The following RASAL2 variants were observed in gnomAD, a reference collection of about 807,000 sequenced individuals.
RASAL2 encodes the protein RAS protein activator like 2, also known as ras GTPase-activating protein nGAP.
Under a neutral mutation model 128.9 loss-of-function variants are expected in RASAL2, and 58 were observed. The observed-to-expected ratio is 0.45, with a 90% CI of 0.36 to 0.56. The LOEUF is 0.56. Ranked by LOEUF, RASAL2 falls within the 20% of genes least tolerant of loss-of-function variation. The pLI, the probability that RASAL2 is intolerant of heterozygous loss-of-function variation, is 0.00. For missense variants in RASAL2, 1,360 were observed against 1,601.6 expected (o/e 0.85, Z 2.57); for synonymous variants, 561 against 580.8 (o/e 0.97, Z 0.49).
intron 1 of RASAL2, among the ~76,000 whole-genome samples, chr1:178,187,609 GAAA>G: frequency 6.6e-6 from 1 of 152,110 alleles, no homozygotes; most frequent in African/African-American, 2.4e-5. Context: ...ACCACAACCG[GAAA>G]AACTGTTACT....
intron 3 of RASAL2, among the ~76,000 whole-genome samples, chr1:178,358,229 C>CT (rs1670911695): frequency 9.6e-6 from 1 of 104,350 alleles, no homozygotes; most frequent in Non-Finnish European, 1.7e-5. Context: ...GAGTGAGACT[C>CT]TGTCTCCTAA....
chr1:178,446,037 G>A (rs1676975995), intron 9 of RASAL2, among the ~76,000 whole-genome samples: 1 of 152,124 alleles, frequency 6.6e-6, no homozygotes, highest in African/African-American at 2.4e-5. Flanking sequence ...TTGTTATCAT[G>A]CATGCAAAAC....
chr1:178,325,192 C>T (rs1407323530), intron 3 of RASAL2, among the ~76,000 whole-genome samples: 9 of 152,134 alleles, frequency 5.9e-5, no homozygotes, highest in African/African-American at 2.2e-4. Context: ...TTGACGTGTT[C>T]TTTCTAACTC....
At chr1:178,170,977 C>T (rs1227205991) in intron 1 of RASAL2, among the ~76,000 whole-genome samples, 1 of 151,824 alleles carries the variant, frequency 6.6e-6, no homozygotes, top group Non-Finnish European at 1.5e-5. Context: ...GAATTCATTT[C>T]ATTTAAATTT....
intron 3 of RASAL2, among the ~76,000 whole-genome samples, chr1:178,334,942 T>TGA (rs1365750685): frequency 3.3e-5 from 5 of 151,960 alleles, no homozygotes; most frequent in Non-Finnish European, 5.9e-5. Context: ...GGTGACAGAG[T>TGA]GAGACTCTGT....
chr1:178,254,966 ATC>A (rs1177021627), intron 1 of RASAL2, among the ~76,000 whole-genome samples: 1 of 152,080 alleles, frequency 6.6e-6, no homozygotes, highest in East Asian at 1.9e-4. Flanking sequence ...TGAGATTAAC[ATC>A]TTCTCTGTGG....
At chr1:178,341,335 A>G in intron 3 of RASAL2, 1 of 934,520 alleles carries the variant, frequency 1.1e-6, no homozygotes, top group South Asian at 3.2e-5. Context: ...AAGAAAGCCC[A>G]GTGAGTGAGT....
At chr1:178,102,091 G>A (rs1558053835) in intron 1 of RASAL2, among the ~76,000 whole-genome samples, 1 of 151,806 alleles carries the variant, frequency 6.6e-6, no homozygotes, top group Non-Finnish European at 1.5e-5. Flanking sequence ...TGGAAGTGAT[G>A]TCTGAAGGAA....
At chr1:178,143,987 T>C (rs1444341763) in intron 1 of RASAL2, among the ~76,000 whole-genome samples, 1 of 152,176 alleles carries the variant, frequency 6.6e-6, no homozygotes, top group Non-Finnish European at 1.5e-5. Flanking sequence ...TTACCTACTA[T>C]CAGGAATAAT....
At chr1:178,437,793 G>C (rs1676351033) in intron 5 of RASAL2, among the ~76,000 whole-genome samples, 1 of 151,968 alleles carries the variant, frequency 6.6e-6, no homozygotes, top group African/African-American at 2.4e-5. Flanking sequence ...ATTTATAGTT[G>C]ATGTACTATA....
intron 3 of RASAL2, among the ~76,000 whole-genome samples, chr1:178,320,379 A>C (rs1212705595): frequency 4.6e-5 from 7 of 151,514 alleles, no homozygotes; most frequent in Admixed American, 1.3e-4. Context: ...AATGGTGGGC[A>C]CCCTCCCCCA....
chr1:178,459,162 C>T (rs946447527), intron 14 of RASAL2, among the ~76,000 whole-genome samples: 8 of 152,164 alleles, frequency 5.3e-5, no homozygotes, highest in Non-Finnish European at 1.2e-4. Flanking sequence ...TTTCTATTTA[C>T]ATGGACAAGC....
intron 1 of RASAL2, among the ~76,000 whole-genome samples, chr1:178,152,554 A>G (rs1275624626): frequency 1.3e-5 from 2 of 151,974 alleles, no homozygotes; most frequent in African/African-American, 4.8e-5. Context: ...AGTCCCAGCT[A>G]CTCGGGAGGC....
chr1:178,255,338 A>T (rs867929905), intron 1 of RASAL2, among the ~76,000 whole-genome samples: 4 of 152,120 alleles, frequency 2.6e-5, no homozygotes, highest in Admixed American at 6.6e-5. Context: ...TTCTTTTTCT[A>T]ATTGAAAAAG....
chr1:178,438,699 A>T (rs908365640), intron 5 of RASAL2, among the ~76,000 whole-genome samples: 2 of 151,972 alleles, frequency 1.3e-5, no homozygotes, highest in African/African-American at 2.4e-5. Flanking sequence ...TCTCTTCTAG[A>T]TGAGAGTTTG....
chr1:178,222,714 T>G (rs1663655743), intron 1 of RASAL2, among the ~76,000 whole-genome samples: 1 of 152,174 alleles, frequency 6.6e-6, no homozygotes, highest in Non-Finnish European at 1.5e-5. Flanking sequence ...TGTGGATATC[T>G]CTTTATGCTT....
At chr1:178,173,760 GT>G (rs1190825545) in intron 1 of RASAL2, among the ~76,000 whole-genome samples, 1 of 151,988 alleles carries the variant, frequency 6.6e-6, no homozygotes, top group Non-Finnish European at 1.5e-5. Flanking sequence ...TTTGAAAAAT[GT>G]AGATTTTTTT....
intron 1 of RASAL2, among the ~76,000 whole-genome samples, chr1:178,158,070 G>C (rs915198678): frequency 6.6e-6 from 1 of 152,156 alleles, no homozygotes; most frequent in East Asian, 1.9e-4. Flanking sequence ...TGTTATGTTT[G>C]TACAATATAT....
chr1:178,257,978 A>C, intron 1 of RASAL2, among the ~76,000 whole-genome samples: 1 of 152,132 alleles, frequency 6.6e-6, no homozygotes, highest in Non-Finnish European at 1.5e-5. Context: ...ATCAATATTT[A>C]AAACAAAACG....
Sources: gnomAD v4.1 joint callset for allele counts (sites outside exome capture counted in the v4.1 genomes callset) on GRCh38, gnomAD v4.1.1 for gene constraint, MANE v1.5 for transcripts, NCBI Gene and HGNC (gene_info 2026-07-23, HGNC 2026-07-21) for gene names.